The following PPP3CA variants were observed in gnomAD, a reference collection of about 807,000 sequenced individuals.
PPP3CA encodes CAM-PRP catalytic subunit.
In PPP3CA, 14 loss-of-function variants were observed where a neutral mutation model predicts 66.5. The ratio of observed to expected loss-of-function variants is 0.21; its 90% CI spans 0.14 to 0.33. PPP3CA has a LOEUF of 0.33. Among genes scored for constraint, PPP3CA ranks in the 10% least tolerant of loss-of-function variants. The pLI is 1.00. For missense variants in PPP3CA, 317 were observed against 639.5 expected (o/e 0.50, Z 5.44); for synonymous variants, 232 against 226.2 (o/e 1.03, Z -0.23).
At chr4:101,109,308 T>TAAAAAAAAAAAAAAAAAAAAAAAA (rs70961775) in intron 2 of PPP3CA, among the ~76,000 whole-genome samples, 1 of 90,046 alleles carries the variant, frequency 1.1e-5, no homozygotes, top group Non-Finnish European at 2.2e-5. Flanking sequence ...ACAGATTAAC[T>TAAAAAAAAAAAAAAAAAAAAAAAA]AAAAAAAAAA....
chr4:101,151,108 C>T (rs186064855), intron 2 of PPP3CA, among the ~76,000 whole-genome samples: 1 of 152,258 alleles, frequency 6.6e-6, no homozygotes, highest in African/African-American at 2.4e-5. Flanking sequence ...TTACTTTTAA[C>T]ATTGACAGCT....
At chr4:101,259,119 G>C (rs1169680084) in intron 1 of PPP3CA, among the ~76,000 whole-genome samples, 1 of 152,026 alleles carries the variant, frequency 6.6e-6, no homozygotes, top group African/African-American at 2.4e-5. Flanking sequence ...TGACTCTGAG[G>C]AAAGTCACAC....
intron 1 of PPP3CA, among the ~76,000 whole-genome samples, chr4:101,259,650 C>T (rs750032): frequency 0.64 from 98,006 of 151,990 alleles, 32,807 homozygotes; most frequent in Non-Finnish European, 0.75. Context: ...TTTATAGTGT[C>T]ACATTGAAAT....
intron 13 of PPP3CA, among the ~76,000 whole-genome samples, chr4:101,026,680 T>A (rs2110200995): frequency 6.6e-6 from 1 of 151,982 alleles, no homozygotes; most frequent in East Asian, 1.9e-4. Context: ...TAAACTCCTG[T>A]CTCCACTTAA....
At chr4:101,081,688 T>C (rs1729446871) in intron 7 of PPP3CA, among the ~76,000 whole-genome samples, 1 of 152,200 alleles carries the variant, frequency 6.6e-6, no homozygotes, top group African/African-American at 2.4e-5. Context: ...TATCTTTAGA[T>C]AGATAAACAG....
chr4:101,115,213 C>T (rs925495162), intron 2 of PPP3CA, among the ~76,000 whole-genome samples: 3 of 151,792 alleles, frequency 2.0e-5, no homozygotes, highest in Non-Finnish European at 4.4e-5. Flanking sequence ...AGTCACAGGG[C>T]GAGTCTAAGA....
chr4:101,226,661 A>T (rs1177051307), intron 1 of PPP3CA, among the ~76,000 whole-genome samples: 3 of 151,702 alleles, frequency 2.0e-5, no homozygotes, highest in Non-Finnish European at 4.4e-5. Flanking sequence ...AACCTGGCAC[A>T]TCCTTTACAA....
rs79436394 is a variant in PPP3CA at position 101,061,080 on chromosome 4, C to A, written c.1156+7G>T. The A allele has an allele frequency of 2.7e-3, 4,292 of 1,607,742 alleles. 117 individuals are homozygous for A. The African/African-American group carries it at 0.049, about 18-fold the overall frequency. Reference sequence around the variant, plus strand: ...ATAGCATTAGCACAAAGGCTCAAGCCTCTTACCATCAAATCCATCTTCTTC... The same window carrying A: ...ATAGCATTAGCACAAAGGCTCAAGCATCTTACCATCAAATCCATCTTCTTC... On this transcript the variant is annotated splice_region_variant and intron_variant, in intron 10 of 13. Transcript: ENST00000394854.
chr4:101,093,059 T>C (rs1730028829), intron 6 of PPP3CA, among the ~76,000 whole-genome samples: 1 of 152,144 alleles, frequency 6.6e-6, no homozygotes. Flanking sequence ...TTGAACTAAT[T>C]TACACTCCCA....
At position 101,256,173 on chromosome 4, in the gene PPP3CA, G is replaced by A. The variant is rs148052398; in HGVS notation, c.59-60057C>T. On this transcript the variant is annotated intron_variant, in intron 1 of 13. Transcript: ENST00000394854. ...AAGGTACATATATGAATTCTTAATA[G>A]AGATTTGCTATTAGCACAATAAAAA... Among the ~76,000 whole-genome samples, 149 of 151,926 alleles carry A rather than the reference G, an allele frequency of 9.8e-4. 2 individuals carry two copies. In the East Asian group the frequency reaches 0.027, roughly 27 times the overall value.
chr4:101,116,020 G>A (rs1721827748), intron 2 of PPP3CA, among the ~76,000 whole-genome samples: 3 of 151,976 alleles, frequency 2.0e-5, no homozygotes, highest in Admixed American at 1.3e-4. Context: ...GCAAGACTGT[G>A]TCAATACTAC....
intron 2 of PPP3CA, among the ~76,000 whole-genome samples, chr4:101,155,577 C>G (rs1032156726): frequency 6.6e-6 from 1 of 152,190 alleles, no homozygotes; most frequent in Admixed American, 6.5e-5. Context: ...CCAGGAGAGA[C>G]AGTTCCTTTC....
chr4:101,069,449 G>C (rs1028683504), intron 8 of PPP3CA, among the ~76,000 whole-genome samples: 1 of 152,046 alleles, frequency 6.6e-6, no homozygotes, highest in African/African-American at 2.4e-5. Flanking sequence ...ATCCTTCATA[G>C]TACCTACAAC....
At chr4:101,288,717 ATC>A (rs1335379620) in intron 1 of PPP3CA, among the ~76,000 whole-genome samples, 3 of 152,090 alleles carry the variant, frequency 2.0e-5, no homozygotes, top group Non-Finnish European at 4.4e-5. Flanking sequence ...TAAAAATATT[ATC>A]TGTGTATTTA....
At chr4:101,032,713 A>C (rs896376584) in intron 11 of PPP3CA, among the ~76,000 whole-genome samples, 11 of 152,210 alleles carry the variant, frequency 7.2e-5, no homozygotes, top group African/African-American at 2.7e-4. Flanking sequence ...TGAGCCATAG[A>C]GAATGCTGAT....
intron 8 of PPP3CA, among the ~76,000 whole-genome samples, chr4:101,066,599 A>T (rs1040020247): frequency 6.6e-6 from 1 of 152,158 alleles, no homozygotes; most frequent in Non-Finnish European, 1.5e-5. Context: ...CATTTATGCA[A>T]AAATACTTTT....
intron 1 of PPP3CA, among the ~76,000 whole-genome samples, chr4:101,268,122 T>C (rs755997137): frequency 6.6e-6 from 1 of 151,970 alleles, no homozygotes; most frequent in Non-Finnish European, 1.5e-5. Flanking sequence ...CAGTGAGCTA[T>C]GATTGTGCCA....
At chr4:101,088,724 T>C (rs975922684) in intron 6 of PPP3CA, among the ~76,000 whole-genome samples, 4 of 151,422 alleles carry the variant, frequency 2.6e-5, no homozygotes, top group African/African-American at 4.9e-5. Flanking sequence ...ACAGTATGCA[T>C]TGGGTAGAGG....
intron 2 of PPP3CA, among the ~76,000 whole-genome samples, chr4:101,125,240 C>A (rs1172149679): frequency 1.3e-5 from 2 of 152,326 alleles, no homozygotes; most frequent in African/African-American, 4.8e-5. Context: ...AATATAAACA[C>A]CGCCTTCAGG....
Sources: gnomAD v4.1 joint callset for allele counts (sites outside exome capture counted in the v4.1 genomes callset) on GRCh38, gnomAD v4.1.1 for gene constraint, MANE v1.5 for transcripts, NCBI Gene and HGNC (gene_info 2026-07-23, HGNC 2026-07-21) for gene names.